ZFAT: variants seen among roughly 807,000 people sequenced by gnomAD.
ZFAT encodes the protein zinc finger protein ZFAT.
A neutral mutation model predicts 117.7 loss-of-function variants in ZFAT; 64 were observed. The ratio of observed to expected loss-of-function variants is 0.54; its 90% CI spans 0.44 to 0.67. The LOEUF (loss-of-function observed/expected upper bound fraction) is 0.67, where lower values mean the gene tolerates loss of function less well. Among genes scored for constraint, ZFAT ranks in the 30% least tolerant of loss-of-function variants. The pLI is 0.00. For synonymous variants in ZFAT, 679 were observed against 615.0 expected, an observed-to-expected ratio of 1.10 and a Z score of -1.54; for missense variants, 1,433 against 1,584.5, an observed-to-expected ratio of 0.90 and a Z score of 1.62.
chr8:134,782,990 T>TAC, the ZFAT span, among the ~76,000 whole-genome samples: 40 of 151,756 alleles, frequency 2.6e-4, no homozygotes, highest in African/African-American at 6.3e-4. Flanking sequence ...TATATATATA[T>TAC]ACACACACAC....
chr8:134,639,085 A>G (rs1253378170), intron 2 of ZFAT, among the ~76,000 whole-genome samples: 1 of 152,304 alleles, frequency 6.6e-6, no homozygotes, highest in Non-Finnish European at 1.5e-5. Context: ...ATCTACTGCT[A>G]TTACCATGAG....
the ZFAT span, chr8:134,785,653 C>T: frequency 6.6e-6 from 1 of 151,884 alleles, no homozygotes; most frequent in Admixed American, 6.6e-5. Flanking sequence ...GTATCAAGTT[C>T]TCATGTATCT....
At chr8:134,565,520 T>C in intron 10 of ZFAT, 99 bp from the exon 11 acceptor site, 2 of 1,118,886 alleles carry the variant, frequency 1.8e-6, no homozygotes, top group Non-Finnish European at 2.6e-6. Flanking sequence ...AGGTGTTCCT[T>C]GCCATGTGAG....
intron 3 of ZFAT, 112 bp downstream of exon 3, chr8:134,637,349 G>A (rs1381655675): frequency 7.3e-7 from 1 of 1,365,158 alleles, no homozygotes; most frequent in African/African-American, 1.4e-5. Context: ...ATGGGTGAGA[G>A]CTGAATAAAT....
the ZFAT span, among the ~76,000 whole-genome samples, chr8:134,729,906 C>A: frequency 2.6e-5 from 4 of 152,172 alleles, no homozygotes; most frequent in Admixed American, 2.6e-4. Context: ...CTGGATTTTT[C>A]TTTTGCAATA....
chr8:134,713,021 A>C lies in ZFAT; in HGVS notation c.-158T>G. The C allele has an allele frequency of 2.4e-6, 2 of 845,384 alleles. No individual in the cohort carries two copies. The highest frequency in any genetic ancestry group is 1.6e-6 in the Non-Finnish European group (1 of 607,060). The allele number at this position is 845,384 out of a possible 1,614,324, so 52.4% of individuals were successfully genotyped here. A position where few individuals can be genotyped will look rare whatever the true frequency, so the allele number is the denominator to read the frequency against. ...GGTTATGGCGAATCTGCGGCATCCA[A>C]CATGGCGGATGGAGTCTTCGCCCTC... On this transcript the variant is annotated 5_prime_UTR_variant, in exon 1 of 16. Transcript: ENST00000377838.
At chr8:134,716,405 C>G (rs1411342124), upstream of ZFAT, among the ~76,000 whole-genome samples, 1 of 152,190 alleles carries the variant, frequency 6.6e-6, no homozygotes, top group Admixed American at 6.5e-5. Context: ...GAAACAGCAT[C>G]TTTTCCACCT....
chr8:134,482,285 T>C (rs901157907), intron 15 of ZFAT, among the ~76,000 whole-genome samples: 1 of 152,162 alleles, frequency 6.6e-6, no homozygotes, highest in Non-Finnish European at 1.5e-5. Context: ...TGTCAAACAG[T>C]GCATGAACAG....
chr8:134,689,367 C>G (rs532675137), intron 1 of ZFAT, among the ~76,000 whole-genome samples: 3 of 152,214 alleles, frequency 2.0e-5, no homozygotes, highest in Non-Finnish European at 4.4e-5. Flanking sequence ...CTGTCACTGC[C>G]TCAATAAAGC....
At chr8:134,713,188 C>T (rs1332225825), upstream of ZFAT, 4 of 238,210 alleles carry the variant, frequency 1.7e-5, no homozygotes, top group Non-Finnish European at 3.2e-5. Context: ...TTCACGGATT[C>T]CGCTGCGCCG....
chr8:134,711,568 C>T (rs1244398238), intron 1 of ZFAT, among the ~76,000 whole-genome samples: 1 of 152,024 alleles, frequency 6.6e-6, no homozygotes, highest in Non-Finnish European at 1.5e-5. Flanking sequence ...GTTGCAGTGA[C>T]CCGAGATTGC....
rs1005064468 is a variant in ZFAT, at chr8:134,478,774, C to A, written c.3493-53G>T. On this transcript the variant is annotated intron_variant, in intron 15 of 15. Coordinates refer to ENST00000377838, the MANE Select transcript of ZFAT (RefSeq NM_020863.4). The surrounding 1 kb of genome is among the most constrained non-coding windows in gnomAD (Gnocchi z 5.2). ...ACCCAGCGCCTACTTCCCGGTCCAG[C>A]GTAACAACAAAGTCACAACTACAGT... The A allele has an allele frequency of 6.6e-7, 1 of 1,521,508 alleles. No homozygotes were observed. Among genetic ancestry groups the A allele is most frequent in the Non-Finnish European group, 8.8e-7 (1 of 1,133,620 alleles). The allele number at this position is 1,521,508 out of a possible 1,614,324, so 94.3% of individuals were successfully genotyped here.
intron 10 of ZFAT, among the ~76,000 whole-genome samples, chr8:134,583,220 C>T (rs7006582): frequency 0.76 from 115,613 of 152,034 alleles, 44,175 homozygotes; most frequent in East Asian, 0.9. Context: ...TTCTAGATTA[C>T]GAACTCCTTG....
Position 134,590,276 on chromosome 8 carries a change from T to C in ZFAT, c.2555A>G (p.Asn852Ser), listed in dbSNP as rs1826366225. 6.2e-7 allele frequency: 1 copy of C among 1,612,378 alleles called. No individual in the cohort carries two copies. Among genetic ancestry groups the C allele is most frequent in the Admixed American group, 1.7e-5 (1 of 59,970 alleles). Residue 852 changes from asparagine (N) to serine (S), a missense_variant, in exon 8 of 16, where the codon AAC (asparagine) becomes AGC (serine). Around this residue, in one of 5 missense-constraint regions of ZFAT, gnomAD observed 503 missense variants for 543.4 expected, o/e 0.93. Transcript: ENST00000377838. Reference protein sequence around the residue: ...DRLIKSHIKTNHPEVSMSTIS... With the variant: ...DRLIKSHIKTSHPEVSMSTIS... ...AAAATGCACAACCTTACCAGGATGG[T>C]TGGTCTTGATATGTGACTTTATCAA...
In ZFAT at chr8:134,560,620, T is replaced by C. The variant is rs146399214; in HGVS notation, c.2976+4713A>G. On this transcript the variant is annotated intron_variant, in intron 11 of 15. Transcript: ENST00000377838. Reference sequence around the variant, plus strand: ...CTACACTGCCTTACATAATGATACGTGGACTTATCTATTTGGAAGAAAGCA... The same window carrying C: ...CTACACTGCCTTACATAATGATACGCGGACTTATCTATTTGGAAGAAAGCA... Among the ~76,000 whole-genome samples the C allele has an allele frequency of 2.6e-3, 391 of 152,254 alleles. 1 individual carries two copies. The highest frequency in any genetic ancestry group is 3.9e-3 in the Non-Finnish European group (264 of 68,020).
rs372627839 is a variant in ZFAT at position 134,524,562 on chromosome 8, G to A, written c.3116-3561C>T. On this transcript the variant is annotated intron_variant, in intron 12 of 15. Transcript: ENST00000377838. ...TCCTCCCAGACAGGCAATGTATGGA[G>A]GAACTTTTGGTTGGCACAACTGGGG... 1.6e-4 allele frequency among the ~76,000 whole-genome samples: 24 copies of A among 152,344 alleles called. No individual in the cohort carries two copies. The East Asian group carries it at 4.2e-3, about 27-fold the overall frequency.
At chr8:134,743,411 C>T in the ZFAT span, among the ~76,000 whole-genome samples, 2 of 152,054 alleles carry the variant, frequency 1.3e-5, no homozygotes, top group Non-Finnish European at 2.9e-5. Flanking sequence ...ATAGCTTGAA[C>T]CTGGGAGGTG....
chr8:134,757,588 G>T, the ZFAT span, among the ~76,000 whole-genome samples: 1 of 152,150 alleles, frequency 6.6e-6, no homozygotes, highest in Non-Finnish European at 1.5e-5. Context: ...GGTGACAGGG[G>T]ACATGCTCCT....
At chr8:134,798,410 C>T in the ZFAT span, 1 of 151,964 alleles carries the variant, frequency 6.6e-6, no homozygotes, top group Non-Finnish European at 1.5e-5. Flanking sequence ...GATAAGCACA[C>T]ATTAATCAGA....
Sources: allele counts gnomAD v4.1 joint callset (sites outside exome capture counted in the v4.1 genomes callset), GRCh38; gene constraint gnomAD v4.1.1; regional missense constraint gnomAD v4.1.1; non-coding constraint Gnocchi (gnomAD v3.1); transcripts MANE v1.5; gene names NCBI Gene and HGNC (gene_info 2026-07-23, HGNC 2026-07-21).